LIPC: variants seen among roughly 807,000 people sequenced by gnomAD.
LIPC encodes lipase C, hepatic type.
A neutral mutation model predicts 50.7 loss-of-function variants in LIPC; 44 were observed. The ratio of observed to expected loss-of-function variants is 0.87; its 90% confidence interval spans 0.68 to 1.11. LIPC has a LOEUF of 1.11. Ranked by LOEUF, LIPC falls within the 50% of genes most tolerant of loss-of-function variation. LIPC has a pLI of 0.00. For synonymous variants in LIPC, 271 were observed against 256.4 expected, an observed-to-expected ratio of 1.06 and a Z score of -0.54; for missense variants, 697 against 648.2, an observed-to-expected ratio of 1.08 and a Z score of -0.82.
intron 1 of LIPC, among the ~76,000 whole-genome samples, chr15:58,535,367 T>G (rs759549776): frequency 2.0e-5 from 3 of 152,206 alleles, no homozygotes; most frequent in Non-Finnish European, 4.4e-5. Flanking sequence ...AGCACATACC[T>G]GTATACAGTA....
intron 1 of LIPC, among the ~76,000 whole-genome samples, chr15:58,490,953 A>T (rs1432761620): frequency 6.6e-6 from 1 of 152,204 alleles, no homozygotes; most frequent in African/African-American, 2.4e-5. Flanking sequence ...CTAAGGAAAG[A>T]GCGAGCCCAT....
intron 1 of LIPC, among the ~76,000 whole-genome samples, chr15:58,505,030 G>A (rs1323794413): frequency 6.6e-6 from 1 of 152,226 alleles, no homozygotes; most frequent in Non-Finnish European, 1.5e-5. Flanking sequence ...TGCAGAAGCT[G>A]GAGGAACCAC....
Position 58,568,787 on chromosome 15 carries a change from G to A in LIPC, c.1460G>A (p.Cys487Tyr), listed in dbSNP as rs1218453822. The change falls in exon 9 of 9, where the codon TGT becomes TAT. Residue 487 changes from cysteine (C) to tyrosine (Y), a missense_variant. Cys to Tyr is a radical substitution (Grantham distance 194). Transcript: ENST00000299022. ...RPTQEKIFVK[C>Y]EIKSKTSKRK... is the part of the protein sequence containing the mutation. ...ACCCAGGAAAAAATCTTCGTGAAAT[G>A]TGAAATAAAGTCTAAAACATCAAAG... 2 of 1,609,862 alleles carry A rather than the reference G, an allele frequency of 1.2e-6. No individual in the cohort carries two copies. The highest frequency in any genetic ancestry group is 1.7e-4 in the Middle Eastern group (1 of 6,056).
intron 1 of LIPC, among the ~76,000 whole-genome samples, chr15:58,482,612 C>A (rs1891228540): frequency 6.6e-6 from 1 of 152,156 alleles, no homozygotes; most frequent in South Asian, 2.1e-4. Flanking sequence ...TTCTGGGCAC[C>A]AGCACCCTCC....
intron 1 of LIPC, among the ~76,000 whole-genome samples, chr15:58,460,937 G>T (rs1894325092): frequency 6.6e-6 from 1 of 152,174 alleles, no homozygotes; most frequent in Non-Finnish European, 1.5e-5. Flanking sequence ...CAGTGGTTTT[G>T]ACCAAGGGAC....
At chr15:58,560,440 A>G (rs7180130) in intron 6 of LIPC, among the ~76,000 whole-genome samples, 144,416 of 152,232 alleles carry the variant, frequency 0.95, 68,709 homozygotes, top group Middle Eastern at 0.99. Context: ...ATCAGAGAGC[A>G]GCAATAATGT....
At chr15:58,549,741 G>A (rs867257930) in intron 6 of LIPC, among the ~76,000 whole-genome samples, 2 of 152,188 alleles carry the variant, frequency 1.3e-5, no homozygotes, top group South Asian at 2.1e-4. Context: ...GAAATTTCTT[G>A]TGGGTGCGCA....
rs1053818109 is a variant in LIPC, at chr15:58,442,881, T to C, written c.88+10761T>C. Among the ~76,000 whole-genome samples the C allele has an allele frequency of 2.0e-5, 3 of 152,204 alleles. No homozygotes were observed. The South Asian group carries it at 6.2e-4, about 32-fold the overall frequency. On this transcript the variant is annotated intron_variant, in intron 1 of 8. Coordinates refer to ENST00000299022, the MANE Select transcript of LIPC (RefSeq NM_000236.3). ...GTGTCCCTCTCAGAGCCCACATGGG[T>C]ATCTGAGCCTTCAGAGATATCTCAT...
intron 1 of LIPC, among the ~76,000 whole-genome samples, chr15:58,443,664 A>T (rs1414298451): frequency 1.3e-5 from 2 of 150,752 alleles, no homozygotes; most frequent in Non-Finnish European, 3.0e-5. Flanking sequence ...AGCTCCTTTC[A>T]TGCAAATCTC....
Position 58,541,906 on chromosome 15 carries a change from T to C in LIPC, c.395T>C (p.Ile132Thr), listed in dbSNP as rs1197920316. The C allele has an allele frequency of 1.1e-5, 17 of 1,611,774 alleles. No individual in the cohort carries two copies. Among genetic ancestry groups the C allele is most frequent in the Non-Finnish European group, 1.4e-5 (17 of 1,179,960 alleles). Reference sequence around the variant, plus strand: ...ACCCTGGCCCACGACCACTACACCATCGCCGTCCGCAACACCCGCCTTGTG... The same window carrying C: ...ACCCTGGCCCACGACCACTACACCACCGCCGTCCGCAACACCCGCCTTGTG... ...WITLAHDHYT[I>T]AVRNTRLVGK... The change falls in exon 3 of 9, where the codon ATC becomes ACC. Residue 132 changes from isoleucine (I) to threonine (T), a missense_variant. Coordinates refer to ENST00000299022, the MANE Select transcript of LIPC (RefSeq NM_000236.3).
intron 1 of LIPC, among the ~76,000 whole-genome samples, chr15:58,496,116 G>T (rs1440086137): frequency 2.6e-5 from 4 of 152,120 alleles, no homozygotes; most frequent in African/African-American, 7.2e-5. Context: ...GTGGTTCTCA[G>T]TGGTTCTCAA....
At chr15:58,536,072 A>G (rs1199952104) in intron 1 of LIPC, among the ~76,000 whole-genome samples, 1 of 152,228 alleles carries the variant, frequency 6.6e-6, no homozygotes, top group Non-Finnish European at 1.5e-5. Flanking sequence ...CTGGATAAAT[A>G]AATCACCCCG....
At chr15:58,508,603 C>T (rs1317180932) in intron 1 of LIPC, among the ~76,000 whole-genome samples, 3 of 152,266 alleles carry the variant, frequency 2.0e-5, no homozygotes, top group Non-Finnish European at 4.4e-5. Flanking sequence ...AATATGGGAA[C>T]ATTTGGATGT....
At chr15:58,495,194 C>G (rs1026839597) in intron 1 of LIPC, among the ~76,000 whole-genome samples, 1 of 152,218 alleles carries the variant, frequency 6.6e-6, no homozygotes, top group Non-Finnish European at 1.5e-5. Context: ...TCATCCTTGA[C>G]TGCAGTGTGG....
intron 1 of LIPC, among the ~76,000 whole-genome samples, chr15:58,467,871 A>T (rs1165123374): frequency 6.6e-6 from 1 of 152,158 alleles, no homozygotes; most frequent in Non-Finnish European, 1.5e-5. Context: ...GGGTTTTCCC[A>T]CTGAGGGTCA....
chr15:58,518,813 G>T (rs1308365252), intron 1 of LIPC, among the ~76,000 whole-genome samples: 1 of 152,038 alleles, frequency 6.6e-6, no homozygotes, highest in Non-Finnish European at 1.5e-5. Flanking sequence ...TGCTGGTGGT[G>T]TTGCCTGGAG....
chr15:58,486,934 A>C (rs1157674108), intron 1 of LIPC, among the ~76,000 whole-genome samples: 1 of 152,206 alleles, frequency 6.6e-6, no homozygotes, highest in African/African-American at 2.4e-5. Context: ...GCTCCACTAG[A>C]AGTGCCACCT....
At chr15:58,475,235 A>T (rs1418189889) in intron 1 of LIPC, among the ~76,000 whole-genome samples, 2 of 152,152 alleles carry the variant, frequency 1.3e-5, no homozygotes, top group East Asian at 1.9e-4. Context: ...CCACAACAAC[A>T]GGCTTGAAGC....
chr15:58,565,217 C>T (rs188801316), intron 8 of LIPC: 38 of 1,535,718 alleles, frequency 2.5e-5, no homozygotes, highest in African/African-American at 2.5e-4. Flanking sequence ...TTAAACTGCT[C>T]GCTCCTCTTC....
Sources: gnomAD v4.1 joint callset for allele counts (sites outside exome capture counted in the v4.1 genomes callset) on GRCh38, gnomAD v4.1.1 for gene constraint, MANE v1.5 for transcripts, NCBI Gene and HGNC (gene_info 2026-07-23, HGNC 2026-07-21) for gene names.